Variants in ZNF44 observed in about 807,000 individuals in gnomAD.
The protein encoded by ZNF44 is zinc finger protein 44, also known as gonadotropin inducible transcription repressor-2.
A neutral mutation model predicts 11.7 loss-of-function variants in ZNF44; 9 were observed. The ratio of observed to expected loss-of-function variants is 0.77; its 90% CI spans 0.46 to 1.35. The LOEUF is 1.35. Among genes scored for constraint, ZNF44 ranks in the 40% most tolerant of loss-of-function variants. ZNF44 has a pLI of 0.00. For synonymous variants in ZNF44, 224 were observed against 242.7 expected (o/e 0.92, Z 0.72); for missense variants, 696 against 743.1 (o/e 0.94, Z 0.74).
intron 1 of ZNF44, among the ~76,000 whole-genome samples, chr19:12,288,905 G>A (rs889976293): frequency 6.7e-6 from 1 of 149,620 alleles, no homozygotes; most frequent in Non-Finnish European, 1.5e-5. Flanking sequence ...TCTGGCTCCC[G>A]CCTTTTTAAC....
At chr19:12,240,985 A>T (rs1916594667), upstream of ZNF44, among the ~76,000 whole-genome samples, 2 of 152,268 alleles carry the variant, frequency 1.3e-5, no homozygotes, top group Non-Finnish European at 2.9e-5. Context: ...ATACAGAATG[A>T]GAACATATTT....
intron 6 of ZNF44, chr19:12,250,103 C>A: frequency 8.0e-7 from 1 of 1,253,924 alleles, no homozygotes; most frequent in Non-Finnish European, 1.0e-6. Flanking sequence ...TTATTAGATT[C>A]TAGGTCCATA....
chr19:12,240,444 CAAAAAAAAAAAA>C (rs56300338), upstream of ZNF44, among the ~76,000 whole-genome samples: 2 of 102,370 alleles, frequency 2.0e-5, no homozygotes, highest in Non-Finnish European at 4.0e-5. Flanking sequence ...GATTCTATCT[CAAAAAAAAAAAA>C]AAAAAAACTA....
chr19:12,240,924 G>C (rs938133517), upstream of ZNF44, among the ~76,000 whole-genome samples: 3 of 152,116 alleles, frequency 2.0e-5, no homozygotes, highest in Non-Finnish European at 4.4e-5. Context: ...GCAAACAAAA[G>C]ATAAACTGAA....
At chr19:12,229,617 A>T (rs59884387) in intron 3 of ZNF44, among the ~76,000 whole-genome samples, 1,844 of 146,080 alleles carry the variant, frequency 0.013, 26 homozygotes, top group African/African-American at 0.038. Flanking sequence ...GAAGAAAGAT[A>T]TTTTTTTTTT....
intron 5 of ZNF44, among the ~76,000 whole-genome samples, chr19:12,266,523 T>C (rs1204892125): frequency 1.3e-5 from 2 of 151,928 alleles, no homozygotes; most frequent in Non-Finnish European, 2.9e-5. Context: ...AACCCCTAAT[T>C]GGATAGTGCC....
upstream of ZNF44, among the ~76,000 whole-genome samples, chr19:12,241,250 A>C (rs1441947237): frequency 6.6e-6 from 1 of 152,236 alleles, no homozygotes; most frequent in Non-Finnish European, 1.5e-5. Flanking sequence ...GTAGAATATA[A>C]CCAGGGTTGG....
At chr19:12,289,181 C>T (rs148175927) in intron 1 of ZNF44, among the ~76,000 whole-genome samples, 250 of 152,046 alleles carry the variant, frequency 1.6e-3, no homozygotes, top group African/African-American at 5.7e-3. Context: ...GGGTTGTATA[C>T]CTGTAGTCTC....
At chr19:12,249,366 C>A (rs1247840854) in intron 7 of ZNF44, among the ~76,000 whole-genome samples, 2 of 150,338 alleles carry the variant, frequency 1.3e-5, no homozygotes, top group Non-Finnish European at 3.0e-5. Context: ...ATTAGCCGGG[C>A]GTGGTGGTGG....
At chr19:12,231,544 C>T (rs1301891043) in intron 2 of ZNF44, among the ~76,000 whole-genome samples, 1 of 152,138 alleles carries the variant, frequency 6.6e-6, no homozygotes, top group African/African-American at 2.4e-5. Context: ...GATCATGAGA[C>T]ATTTAAGTCA....
upstream of ZNF44, among the ~76,000 whole-genome samples, chr19:12,238,879 A>T (rs1056143294): frequency 6.6e-6 from 1 of 152,224 alleles, no homozygotes; most frequent in East Asian, 1.9e-4. Context: ...CAGAAAATGA[A>T]TCACGTTCCC....
At chr19:12,231,357 C>T (rs1416503806) in intron 2 of ZNF44, among the ~76,000 whole-genome samples, 1 of 152,092 alleles carries the variant, frequency 6.6e-6, no homozygotes, top group Non-Finnish European at 1.5e-5. Flanking sequence ...GCTGCTGTCC[C>T]TCCCCGCCAC....
At position 12,272,774 on chromosome 19, in the gene ZNF44, T is replaced by C; in HGVS notation, c.1481A>G (p.His494Arg). 3 of 1,613,936 alleles carry C rather than the reference T, an allele frequency of 1.9e-6. No homozygotes were observed. The highest frequency in any genetic ancestry group is 2.5e-6 in the Non-Finnish European group (3 of 1,179,870). The change falls in exon 4 of 4, where the codon CAT becomes CGT. Residue 494 changes from histidine to arginine, a missense_variant. Physicochemically the swap from His to Arg is conservative, Grantham distance 29. Transcript: ENST00000355684. ...AFSSFKYFCRHERTHSEEKSY... is the reference protein window; with the variant it reads ...AFSSFKYFCRRERTHSEEKSY... Reference sequence around the variant, plus strand: ...TTTTTCTTCACTGTGAGTCCTTTCATGGCGACAAAAGTATTTAAAAGAACT... The same window carrying C: ...TTTTTCTTCACTGTGAGTCCTTTCACGGCGACAAAAGTATTTAAAAGAACT...
downstream of ZNF44, among the ~76,000 whole-genome samples, chr19:12,245,480 G>A (rs964241730): frequency 2.0e-5 from 3 of 152,156 alleles, no homozygotes; most frequent in African/African-American, 2.4e-5. Flanking sequence ...CGATCTGCCT[G>A]ACCTAAGACA....
At chr19:12,240,402 G>A (rs1284797136), upstream of ZNF44, among the ~76,000 whole-genome samples, 1 of 143,842 alleles carries the variant, frequency 7.0e-6, no homozygotes, top group Non-Finnish European at 1.5e-5. Flanking sequence ...CTGAGATTGT[G>A]CCACTACACT....
upstream of ZNF44, among the ~76,000 whole-genome samples, chr19:12,241,829 A>C (rs2145684350): frequency 6.6e-6 from 1 of 152,358 alleles, no homozygotes; most frequent in African/African-American, 2.4e-5. Flanking sequence ...AGTGTGGTGT[A>C]TCCAATATAC....
chr19:12,254,647 A>T (rs1917165207), intron 5 of ZNF44, among the ~76,000 whole-genome samples: 4 of 152,168 alleles, frequency 2.6e-5, no homozygotes, highest in Admixed American at 2.6e-4. Context: ...AGGCGGGGGA[A>T]TTGCTTGAAC....
At chr19:12,249,995 G>A in exon 7 of ZNF44, 1 of 1,285,866 alleles carries the variant, frequency 7.8e-7, no homozygotes, top group Non-Finnish European at 1.0e-6. Context: ...TTCTCCCCTG[G>A]TTTTTGTACT....
At chr19:12,254,295 C>T (rs186503077) in intron 5 of ZNF44, among the ~76,000 whole-genome samples, 4 of 152,234 alleles carry the variant, frequency 2.6e-5, no homozygotes, top group Non-Finnish European at 5.9e-5. Context: ...AAAATACTTG[C>T]AGATTAAACC....
Sources: allele counts gnomAD v4.1 joint callset (sites outside exome capture counted in the v4.1 genomes callset), GRCh38; gene constraint gnomAD v4.1.1; transcripts MANE v1.5; gene names NCBI Gene and HGNC (gene_info 2026-07-23, HGNC 2026-07-21).